FRK: variants seen among roughly 807,000 people sequenced by gnomAD.
FRK encodes fyn related Src family tyrosine kinase.
FRK carries 51 observed loss-of-function variants against 56.4 expected under a neutral mutation model. The ratio of observed to expected loss-of-function variants is 0.90; its 90% confidence interval spans 0.72 to 1.14. FRK has a LOEUF of 1.14. FRK is among the 50% of genes most tolerant of loss of function. The probability of loss-of-function intolerance (pLI) is 0.00; values close to 1 mark genes in which losing one functional copy is unlikely to be tolerated. For synonymous variants in FRK, 245 were observed against 217.9 expected, an observed-to-expected ratio of 1.12 and a Z score of -1.10; for missense variants, 570 against 601.4, an observed-to-expected ratio of 0.95 and a Z score of 0.55.
Position 115,967,681 on chromosome 6 carries a change from G to T in FRK, c.669C>A (p.Thr223=). The change falls in exon 4 of 8, where the codon ACC becomes ACA. Residue 223 remains threonine (T), a synonymous_variant. Transcript: ENST00000606080. ...VPAPFDLSYK[T]VDQWEIDRNS... Reference sequence around the variant, plus strand: ...TGCGGTCTATCTCCCATTGGTCCACGGTTTTATACGACAAATCAAATGGAG... The same window carrying T: ...TGCGGTCTATCTCCCATTGGTCCACTGTTTTATACGACAAATCAAATGGAG... The T allele has an allele frequency of 1.9e-6, 3 of 1,611,540 alleles. No individual in the cohort carries two copies. The highest frequency in any genetic ancestry group is 2.5e-6 in the Non-Finnish European group (3 of 1,178,764).
chr6:115,971,345 G>A (rs532540582), intron 2 of FRK, among the ~76,000 whole-genome samples: 240 of 152,252 alleles, frequency 1.6e-3, no homozygotes, highest in Non-Finnish European at 3.0e-3. Context: ...GCTACAAAAT[G>A]CCCTCCTAAA....
At chr6:115,995,761 A>T (rs550201324) in intron 2 of FRK, among the ~76,000 whole-genome samples, 49 of 152,172 alleles carry the variant, frequency 3.2e-4, no homozygotes, top group Non-Finnish European at 5.3e-4. Context: ...AGATGCAAAC[A>T]CAGACACACG....
At chr6:115,990,629 C>T (rs994277993) in intron 2 of FRK, among the ~76,000 whole-genome samples, 1 of 151,376 alleles carries the variant, frequency 6.6e-6, no homozygotes, top group Non-Finnish European at 1.5e-5. Context: ...TCTATTGATC[C>T]GTATGCCTAC....
intron 4 of FRK, among the ~76,000 whole-genome samples, chr6:115,957,891 C>T (rs1773070326): frequency 6.6e-6 from 1 of 152,108 alleles, no homozygotes; most frequent in African/African-American, 2.4e-5. Flanking sequence ...AGATCATTAC[C>T]AAGATAATAG....
intron 2 of FRK, among the ~76,000 whole-genome samples, chr6:115,972,379 T>TC (rs1773837976): frequency 6.6e-6 from 1 of 152,106 alleles, no homozygotes; most frequent in Non-Finnish European, 1.5e-5. Context: ...TCAACCTGAG[T>TC]CAGGCACCTG....
chr6:116,068,390 A>G, the FRK span, among the ~76,000 whole-genome samples: 3 of 149,416 alleles, frequency 2.0e-5, no homozygotes, highest in Non-Finnish European at 4.5e-5. Flanking sequence ...GCTTAAAAAG[A>G]AAAAAAAAAG....
chr6:116,051,157 A>G (rs1035663680), intron 1 of FRK, among the ~76,000 whole-genome samples: 2 of 152,176 alleles, frequency 1.3e-5, no homozygotes, highest in African/African-American at 4.8e-5. Flanking sequence ...ACTAAGAAAT[A>G]GTATTCTAAA....
rs1772020129 is a variant in FRK at position 115,935,073 on chromosome 6, A to T, written c.*7341T>A. 2 of 152,458 alleles carry T rather than the reference A, an allele frequency of 1.3e-5. No individual in the cohort carries two copies. Among genetic ancestry groups the T allele is most frequent in the Non-Finnish European group, 2.9e-5 (2 of 68,230 alleles). The allele number at this position is 152,458 out of a possible 1,614,324, so 9.4% of individuals were successfully genotyped here. A position where few individuals can be genotyped will look rare whatever the true frequency, so the allele number is the denominator to read the frequency against. ...TTGCTGGCAAGATGGCCAAATAGGA[A>T]CAGCTCTGGTCTGCAGCTCCCAGTG... is the stretch of plus-strand genomic sequence containing the variant. On this transcript the variant is annotated 3_prime_UTR_variant, in exon 8 of 8. Transcript: ENST00000606080.
chr6:115,953,497 C>T (rs1772869076), intron 5 of FRK, among the ~76,000 whole-genome samples: 1 of 152,192 alleles, frequency 6.6e-6, no homozygotes, highest in African/African-American at 2.4e-5. Flanking sequence ...CCCAAGGCCA[C>T]TTTATTGAAT....
At chr6:115,981,795 T>A (rs914056616) in intron 2 of FRK, among the ~76,000 whole-genome samples, 1 of 152,102 alleles carries the variant, frequency 6.6e-6, no homozygotes, top group African/African-American at 2.4e-5. Flanking sequence ...TCATAGCAGA[T>A]TACTGTATTT....
Position 115,935,596 on chromosome 6 carries a change from T to G in FRK, c.*6818A>C, listed in dbSNP as rs1373784740. On this transcript the variant is annotated 3_prime_UTR_variant, in exon 8 of 8. Coordinates refer to ENST00000606080, the MANE Select transcript of FRK (RefSeq NM_002031.3). The stretch of plus-strand genomic sequence containing the variant: ...CGGAGCCCAGCAAGCTAAGATTCAC[T>G]GGCTTGAAATCCTCATTGCAAGCAC... 6.6e-6 allele frequency: 1 copy of G among 152,348 alleles called. No homozygotes were observed. The highest frequency in any genetic ancestry group is 1.5e-5 in the Non-Finnish European group (1 of 68,154). The allele number at this position is 152,348 out of a possible 1,614,324, so 9.4% of individuals were successfully genotyped here. A position where few individuals can be genotyped will look rare whatever the true frequency, so the allele number is the denominator to read the frequency against.
chr6:116,038,434 G>C (rs1445549390), intron 1 of FRK, among the ~76,000 whole-genome samples: 1 of 152,098 alleles, frequency 6.6e-6, no homozygotes, highest in Non-Finnish European at 1.5e-5. Flanking sequence ...CAAAAAAAGA[G>C]AGTGTGAGAA....
intron 1 of FRK, among the ~76,000 whole-genome samples, chr6:116,055,677 T>TAA (rs2114827410): frequency 6.6e-6 from 1 of 152,326 alleles, no homozygotes; most frequent in African/African-American, 2.4e-5. Context: ...TATATATATA[T>TAA]AACAAAGCAA....
chr6:115,957,254 AG>A (rs1450606636), intron 4 of FRK, among the ~76,000 whole-genome samples: 2 of 152,194 alleles, frequency 1.3e-5, no homozygotes, highest in Admixed American at 6.5e-5. Context: ...GGCCAAATGG[AG>A]GAGAGACAAT....
chr6:116,063,848 G>T (rs1189359886), upstream of FRK, among the ~76,000 whole-genome samples: 1 of 151,874 alleles, frequency 6.6e-6, no homozygotes, highest in Admixed American at 6.6e-5. Context: ...TTTAAAAAAA[G>T]TATTTTAGAG....
At chr6:115,952,089 T>C (rs1331798080) in intron 5 of FRK, among the ~76,000 whole-genome samples, 1 of 152,138 alleles carries the variant, frequency 6.6e-6, no homozygotes, top group Non-Finnish European at 1.5e-5. Flanking sequence ...ATTAGCCCTT[T>C]GTCAGATGAG....
chr6:116,091,673 C>T, the FRK span, among the ~76,000 whole-genome samples: 1 of 152,164 alleles, frequency 6.6e-6, no homozygotes, highest in Non-Finnish European at 1.5e-5. Context: ...GGCTAAACAC[C>T]AGGCAACTGT....
At chr6:116,063,802 T>A (rs1238193902), upstream of FRK, among the ~76,000 whole-genome samples, 2 of 151,974 alleles carry the variant, frequency 1.3e-5, no homozygotes, top group Non-Finnish European at 2.9e-5. Flanking sequence ...TCTCACCAAA[T>A]AAAAAACAAT....
intron 2 of FRK, among the ~76,000 whole-genome samples, chr6:115,993,430 T>G (rs1199141259): frequency 1.3e-5 from 2 of 151,876 alleles, no homozygotes; most frequent in Non-Finnish European, 2.9e-5. Flanking sequence ...TCACAGAATT[T>G]TTTTCATTTT....
Sources: gnomAD v4.1 joint callset for allele counts (sites outside exome capture counted in the v4.1 genomes callset) on GRCh38, gnomAD v4.1.1 for gene constraint, MANE v1.5 for transcripts, NCBI Gene and HGNC (gene_info 2026-07-23, HGNC 2026-07-21) for gene names.